The following DMD variants were observed in gnomAD, a reference collection of about 807,000 sequenced individuals.
The protein encoded by DMD is mutant dystrophin.
In DMD, 63 loss-of-function variants were observed where a neutral mutation model predicts 330.1. The observed-to-expected ratio is 0.19, with a 90% confidence interval of 0.16 to 0.24. The LOEUF (loss-of-function observed/expected upper bound fraction) is 0.24, where lower values mean the gene tolerates loss of function less well. DMD is among the 10% of genes least tolerant of loss of function. DMD has a pLI of 1.00. For synonymous variants in DMD, 1,223 were observed against 959.8 expected (o/e 1.27, Z -5.07); for missense variants, 3,344 against 2,684.1 (o/e 1.25, Z -5.43).
chrX:32,501,868 A>C, intron 18 of DMD, 26 bp from the exon 19 acceptor site: 1 of 1,075,092 alleles, frequency 9.3e-7, no homozygotes, highest in Non-Finnish European at 1.3e-6. Flanking sequence ...AAAGATGAGT[A>C]ATTCAATACA....
intron 53 of DMD, among the ~76,000 whole-genome samples, chrX:31,670,966 G>A (rs1432041422): frequency 2.8e-5 from 3 of 108,575 alleles, no homozygotes; most frequent in African/African-American, 1.0e-4. Flanking sequence ...AGGCCGGACT[G>A]CAGTGCTGCT....
chrX:32,164,741 C>G (rs910114218), intron 44 of DMD, among the ~76,000 whole-genome samples: 1 of 111,073 alleles, frequency 9.0e-6, no homozygotes, highest in Admixed American at 9.6e-5. Flanking sequence ...ATTGCGGCTC[C>G]TCCCATCACA....
intron 48 of DMD, among the ~76,000 whole-genome samples, chrX:31,845,070 A>C (rs185448769): frequency 1.1e-5 from 1 of 87,881 alleles, no homozygotes. Flanking sequence ...ATATATGTAT[A>C]TGTGTGTATA....
At chrX:33,249,713 C>T (rs2052737960) in intron 1 of DMD, among the ~76,000 whole-genome samples, 1 of 111,268 alleles carries the variant, frequency 9.0e-6, no homozygotes, top group South Asian at 3.8e-4. Context: ...ACATTCCCTA[C>T]CTCTCCCCAA....
At chrX:31,628,941 T>TAA (rs1556765601) in intron 54 of DMD, among the ~76,000 whole-genome samples, 1 of 102,211 alleles carries the variant, frequency 9.8e-6, no homozygotes, top group Non-Finnish European at 2.0e-5. Flanking sequence ...TATATATATA[T>TAA]AAAATGCATG....
intron 62 of DMD, among the ~76,000 whole-genome samples, chrX:31,309,486 C>A (rs1009489351): frequency 1.8e-5 from 2 of 111,735 alleles, no homozygotes; most frequent in Non-Finnish European, 3.8e-5. Flanking sequence ...TATGTAGGCC[C>A]GCTCATCCTC....
intron 50 of DMD, among the ~76,000 whole-genome samples, chrX:31,784,658 C>G (rs1345699082): frequency 1.8e-5 from 2 of 110,887 alleles, no homozygotes; most frequent in Non-Finnish European, 3.8e-5. Context: ...TTTTCTAGGG[C>G]TAGTAAATAT....
intron 48 of DMD, among the ~76,000 whole-genome samples, chrX:31,846,918 G>T (rs1009529073): frequency 8.9e-6 from 1 of 111,818 alleles, no homozygotes; most frequent in Admixed American, 9.5e-5. Flanking sequence ...CGAATAAACA[G>T]AAATGGCAAC....
chrX:31,844,818 T>G (rs1455483482), intron 48 of DMD, among the ~76,000 whole-genome samples: 1 of 111,240 alleles, frequency 9.0e-6, no homozygotes, highest in Non-Finnish European at 1.9e-5. Context: ...GATTTGGCTC[T>G]CAGCTTGAAC....
intron 2 of DMD, among the ~76,000 whole-genome samples, chrX:32,857,641 G>C (rs1364063353): frequency 1.8e-5 from 2 of 112,036 alleles, no homozygotes; most frequent in Admixed American, 1.9e-4. Flanking sequence ...AGGGTAGAAA[G>C]TTGAAGTCTG....
At chrX:31,292,683 A>G in intron 62 of DMD, among the ~76,000 whole-genome samples, 1 of 111,942 alleles carries the variant, frequency 8.9e-6, no homozygotes. Context: ...CCTTATTCAT[A>G]ATGTCTTCAA....
chrX:33,324,555 A>G (rs186869752), intron 1 of DMD, among the ~76,000 whole-genome samples: 2 of 111,544 alleles, frequency 1.8e-5, no homozygotes, highest in Admixed American at 9.6e-5. Context: ...AATCAATTAA[A>G]AATATCAGCA....
chrX:32,735,613 A>C (rs946197892), intron 7 of DMD, among the ~76,000 whole-genome samples: 6 of 111,155 alleles, frequency 5.4e-5, no homozygotes, highest in Non-Finnish European at 1.1e-4. Context: ...ATAACGCCGC[A>C]TATCTACCAC....
chrX:31,239,181 C>T (rs1168282266), intron 63 of DMD, among the ~76,000 whole-genome samples: 1 of 111,307 alleles, frequency 9.0e-6, no homozygotes, highest in African/African-American at 3.3e-5. Flanking sequence ...GAACAGAGCC[C>T]GAGGGTAAGT....
Position 32,746,409 on chromosome X carries a change from G to A in DMD, c.650-47116C>T, listed in dbSNP as rs957993892. The stretch of plus-strand genomic sequence containing the variant: ...CCTTAATTTTAAAATGAGTTAAGAA[G>A]CAGTGGTCTAGGGCAGGCTATGGTT... On this transcript the variant is annotated intron_variant, in intron 7 of 78. Transcript: ENST00000357033. Among the ~76,000 whole-genome samples the A allele has an allele frequency of 2.7e-5, 3 of 111,805 alleles. No individual in the cohort carries two copies. In the Admixed American group the frequency reaches 2.8e-4, roughly 11 times the overall value.
At chrX:32,841,881 A>T (rs1334635466) in intron 4 of DMD, among the ~76,000 whole-genome samples, 1 of 112,079 alleles carries the variant, frequency 8.9e-6, no homozygotes, top group Non-Finnish European at 1.9e-5. Context: ...TAACCATTGA[A>T]GTGAGTAAAA....
rs138279966 is a variant in DMD, at chrX:32,461,702, T to C, written c.3432+1737A>G. 5.8e-3 allele frequency among the ~76,000 whole-genome samples: 645 copies of C among 110,973 alleles called. 1 individual carries two copies. The highest frequency in any genetic ancestry group is 0.016 in the African/African-American group (495 of 30,631). ...CCCCTTGCTCTACATAAATTGGTGA[T>C]GTTCTTTTTATTCATCCATTAAGAA... On this transcript the variant is annotated intron_variant, in intron 25 of 78. Transcript: ENST00000357033.
chrX:33,320,523 TA>T (rs778268751), intron 1 of DMD, among the ~76,000 whole-genome samples: 5 of 112,428 alleles, frequency 4.4e-5, no homozygotes, highest in Admixed American at 2.8e-4. Context: ...AATTTATTGC[TA>T]AAAAAGCTAG....
chrX:32,417,297 G>A (rs12392697), intron 29 of DMD, among the ~76,000 whole-genome samples: 2,737 of 110,723 alleles, frequency 0.025, 77 homozygotes, highest in African/African-American at 0.084. Flanking sequence ...GAAAGAATCG[G>A]TCTTCTGAAT....
Sources: allele counts gnomAD v4.1 joint callset (sites outside exome capture counted in the v4.1 genomes callset), GRCh38; gene constraint gnomAD v4.1.1; transcripts MANE v1.5; gene names NCBI Gene and HGNC (gene_info 2026-07-23, HGNC 2026-07-21).